ATG10: variants seen among roughly 807,000 people sequenced by gnomAD.
ATG10 encodes the protein autophagy related 10, also known as ubiquitin-like-conjugating enzyme ATG10.
In ATG10, 30 loss-of-function variants were observed where a neutral mutation model predicts 32.1. The ratio of observed to expected loss-of-function variants is 0.94; its 90% confidence interval spans 0.70 to 1.27. The LOEUF (loss-of-function observed/expected upper bound fraction) is 1.27. Ranked by LOEUF, ATG10 falls within the 50% of genes most tolerant of loss-of-function variation. The pLI, the probability that ATG10 is intolerant of heterozygous loss-of-function variation, is 0.00. For missense variants in ATG10, 233 were observed against 262.3 expected (o/e 0.89, Z 0.77); for synonymous variants, 87 against 91.5 (o/e 0.95, Z 0.28).
chr5:82,056,436 T>G (rs1335864053), intron 2 of ATG10, among the ~76,000 whole-genome samples: 10 of 151,142 alleles, frequency 6.6e-5, no homozygotes, highest in African/African-American at 1.2e-4. Flanking sequence ...CAGGTTTTTT[T>G]TTTTTTTTTT....
At chr5:81,995,421 G>A (rs185758318) in intron 2 of ATG10, among the ~76,000 whole-genome samples, 309 of 152,290 alleles carry the variant, frequency 2.0e-3, no homozygotes, top group African/African-American at 6.8e-3. Context: ...GGGATTACAG[G>A]CGTGAGCCAC....
rs1050862725 is a variant in ATG10, at chr5:82,073,297, G to A, written c.216+14695G>A. 4.6e-5 allele frequency: 7 copies of A among 152,120 alleles called. No individual in the cohort carries two copies. In the East Asian group the frequency reaches 1.3e-3, roughly 29 times the overall value. 9.4% of individuals were successfully genotyped at this position (152,120 alleles called of 1,614,324 possible). ...TTTGTTTTTTAAAAATGCTGGTCAA[G>A]GCCCAGCAATTGATTTCAGAACTTA... On this transcript the variant is annotated intron_variant, in intron 3 of 7. Transcript: ENST00000282185.
At chr5:82,075,290 G>A (rs541628722) in intron 3 of ATG10, among the ~76,000 whole-genome samples, 1 of 152,282 alleles carries the variant, frequency 6.6e-6, no homozygotes, top group African/African-American at 2.4e-5. Flanking sequence ...CTTGCTGGGA[G>A]GACATAGAGA....
chr5:82,142,029 C>T (rs1767172963), intron 3 of ATG10, among the ~76,000 whole-genome samples: 2 of 152,164 alleles, frequency 1.3e-5, no homozygotes, highest in African/African-American at 2.4e-5. Context: ...AATAATTCTC[C>T]TTCTACCAGT....
chr5:82,131,509 C>G (rs1766521587), intron 3 of ATG10, among the ~76,000 whole-genome samples: 1 of 151,898 alleles, frequency 6.6e-6, no homozygotes, highest in Admixed American at 6.6e-5. Context: ...CCTGGTCAGT[C>G]TATATTACAG....
intron 3 of ATG10, chr5:82,078,716 C>T (rs1159549531): frequency 6.6e-6 from 1 of 152,132 alleles, no homozygotes; most frequent in African/African-American, 2.4e-5. Context: ...ATAGTGAGAC[C>T]CTTCCTCTAA....
intron 3 of ATG10, among the ~76,000 whole-genome samples, chr5:82,077,892 A>G (rs940960710): frequency 6.6e-6 from 1 of 152,182 alleles, no homozygotes. Flanking sequence ...GCAGGTTCTT[A>G]TAGGTTCTGA....
At chr5:82,105,629 A>G (rs1319978854) in intron 3 of ATG10, among the ~76,000 whole-genome samples, 2 of 152,124 alleles carry the variant, frequency 1.3e-5, no homozygotes, top group African/African-American at 2.4e-5. Flanking sequence ...CATTTACTGA[A>G]TGAGTCAGAG....
intron 2 of ATG10, among the ~76,000 whole-genome samples, chr5:82,033,767 T>C (rs1209363624): frequency 6.6e-6 from 1 of 151,610 alleles, no homozygotes; most frequent in Non-Finnish European, 1.5e-5. Flanking sequence ...CACATATGTG[T>C]GTATATATAC....
At chr5:82,105,443 G>C (rs1321037119) in intron 3 of ATG10, among the ~76,000 whole-genome samples, 2 of 152,084 alleles carry the variant, frequency 1.3e-5, no homozygotes, top group Non-Finnish European at 2.9e-5. Flanking sequence ...AAGAATTGCT[G>C]TTAAATCTTT....
intron 3 of ATG10, among the ~76,000 whole-genome samples, chr5:82,094,688 T>A (rs1764996630): frequency 6.6e-6 from 1 of 152,192 alleles, no homozygotes. Context: ...CAATTATTAG[T>A]TAATTTTTGC....
At chr5:82,190,985 T>G (rs148583111) in intron 5 of ATG10, among the ~76,000 whole-genome samples, 1 of 152,262 alleles carries the variant, frequency 6.6e-6, no homozygotes, top group African/African-American at 2.4e-5. Flanking sequence ...AATTGGTGAG[T>G]CAATGAATAT....
At chr5:82,151,845 C>G (rs895318210) in intron 3 of ATG10, among the ~76,000 whole-genome samples, 1 of 114,570 alleles carries the variant, frequency 8.7e-6, no homozygotes, top group African/African-American at 2.8e-5. Flanking sequence ...TTGAATAAAA[C>G]CTCTTACAGC....
chr5:82,060,469 A>G (rs1179339597), intron 3 of ATG10, among the ~76,000 whole-genome samples: 7 of 152,244 alleles, frequency 4.6e-5, no homozygotes, highest in Non-Finnish European at 7.3e-5. Flanking sequence ...AAAACAATGG[A>G]AATATACAAT....
intron 5 of ATG10, among the ~76,000 whole-genome samples, chr5:82,248,249 C>A (rs915460258): frequency 1.3e-5 from 2 of 152,208 alleles, no homozygotes; most frequent in African/African-American, 4.8e-5. Context: ...CTTGCCTCAA[C>A]TGGGACTGCA....
intron 4 of ATG10, among the ~76,000 whole-genome samples, chr5:82,175,940 A>G (rs567171542): frequency 6.6e-6 from 1 of 152,138 alleles, no homozygotes; most frequent in South Asian, 2.1e-4. Flanking sequence ...CATGAAAACA[A>G]GGATGATTGT....
chr5:82,197,716 TTCTTTCTATCTATCTA>T (rs1431686755), intron 5 of ATG10, among the ~76,000 whole-genome samples: 38 of 142,186 alleles, frequency 2.7e-4, no homozygotes, highest in African/African-American at 7.5e-4. Context: ...CTTTCTTTCT[TTCTTTCTATCTATCTA>T]TCTATCTATC....
intron 2 of ATG10, among the ~76,000 whole-genome samples, chr5:82,005,246 C>CAA (rs1194850519): frequency 6.6e-6 from 1 of 152,138 alleles, no homozygotes; most frequent in African/African-American, 2.4e-5. Context: ...TTTTGTCTCA[C>CAA]AACAATTTAC....
intron 2 of ATG10, among the ~76,000 whole-genome samples, chr5:82,018,890 G>A (rs537811958): frequency 6.3e-4 from 95 of 151,946 alleles, no homozygotes; most frequent in Non-Finnish European, 9.9e-4. Flanking sequence ...TGCTATTTTC[G>A]TCTTCTTACA....
Sources: gnomAD v4.1 joint callset for allele counts (sites outside exome capture counted in the v4.1 genomes callset) on GRCh38, gnomAD v4.1.1 for gene constraint, MANE v1.5 for transcripts, NCBI Gene and HGNC (gene_info 2026-07-23, HGNC 2026-07-21) for gene names.